Variants in PREX1 observed in about 807,000 individuals in gnomAD.
The protein encoded by PREX1 is phosphatidylinositol-3,4,5-trisphosphate dependent Rac exchange factor 1, also known as phosphatidylinositol 3,4,5-trisphosphate-dependent Rac exchanger 1 protein.
A neutral mutation model predicts 198.3 loss-of-function variants in PREX1; 41 were observed. That is an observed-to-expected ratio of 0.21 (90% CI 0.16 to 0.27). The LOEUF (loss-of-function observed/expected upper bound fraction) is 0.27, where lower values mean the gene tolerates loss of function less well. Among genes scored for constraint, PREX1 ranks in the 10% least tolerant of loss-of-function variants. PREX1 has a pLI of 1.00. For missense variants in PREX1, 1,620 were observed against 2,200.7 expected (o/e 0.74, Z 5.28); for synonymous variants, 843 against 887.2 (o/e 0.95, Z 0.89).
At chr20:48,704,821 G>T (rs1040394835) in intron 6 of PREX1, among the ~76,000 whole-genome samples, 1 of 152,190 alleles carries the variant, frequency 6.6e-6, no homozygotes, top group African/African-American at 2.4e-5. Context: ...CTCCCACAGT[G>T]CTAGGATTAC....
chr20:48,655,351 C>T lies in PREX1; in HGVS notation c.2148G>A (p.Pro716=), dbSNP rs762298700. The change falls in exon 19 of 40, where the codon CCG becomes CCA. Residue 716 remains proline, a synonymous_variant. Coordinates refer to ENST00000371941, the MANE Select transcript of PREX1 (RefSeq NM_020820.4). ...AKEIIKIPDQ[P]DTLCFQIRGA... is the part of the protein sequence containing the mutation. ...CACGAATCTGGAAGCACAGTGTGTC[C>T]GGCTGGTCGGGGATTTTGATGATCC... The T allele has an allele frequency of 6.3e-6, 10 of 1,593,000 alleles. No homozygotes were observed. Among genetic ancestry groups the T allele is most frequent in the Middle Eastern group, 1.7e-4 (1 of 6,046 alleles).
rs754576316 is a variant in PREX1, at chr20:48,627,952, C to G, written c.4778G>C (p.Ser1593Thr). The change falls in exon 38 of 40, where the codon AGC becomes ACC. Residue 1593 changes from serine (S) to threonine (T), a missense_variant. Physicochemically the swap from Ser to Thr is moderately conservative, Grantham distance 58. Coordinates refer to ENST00000371941, the MANE Select transcript of PREX1 (RefSeq NM_020820.4). ...CGTGMQRSTL[S>T]VSLEQAAILA... ...GATGGCCGCCTGCTCCAGGGACACG[C>G]TCAGGGTGCTCCTGCAGCAGGGGAG... The G allele has an allele frequency of 1.2e-6, 2 of 1,610,308 alleles. No individual in the cohort carries two copies. Among genetic ancestry groups the G allele is most frequent in the Non-Finnish European group, 8.5e-7 (1 of 1,179,320 alleles).
intron 26 of PREX1, 89 bp from the exon 27 acceptor site, chr20:48,644,586 C>A: frequency 8.4e-7 from 1 of 1,195,290 alleles, no homozygotes; most frequent in Non-Finnish European, 1.2e-6. Context: ...ACAGTGTAGA[C>A]AAAACCCCTG....
At chr20:48,683,959 C>T (rs2089769470) in intron 10 of PREX1, among the ~76,000 whole-genome samples, 2 of 152,024 alleles carry the variant, frequency 1.3e-5, no homozygotes, top group Admixed American at 1.3e-4. Flanking sequence ...GGGAGGGGCG[C>T]TGGCATGCAA....
intron 32 of PREX1, among the ~76,000 whole-genome samples, chr20:48,635,416 C>G (rs2089354658): frequency 6.6e-6 from 1 of 152,228 alleles, no homozygotes; most frequent in African/African-American, 2.4e-5. Context: ...AATTATATCA[C>G]TCACCCAGCT....
At chr20:48,627,731 C>G in intron 38 of PREX1, 116 bp from the exon 39 acceptor site, 1 of 1,405,174 alleles carries the variant, frequency 7.1e-7, no homozygotes, top group Non-Finnish European at 9.9e-7. Context: ...AAGATCCTTG[C>G]TCCCCTCCAG....
At chr20:48,700,526 T>C (rs1177807392) in intron 7 of PREX1, among the ~76,000 whole-genome samples, 5 of 152,212 alleles carry the variant, frequency 3.3e-5, no homozygotes, top group Admixed American at 3.3e-4. Context: ...AACTAAAATA[T>C]ATTATTTAAA....
chr20:48,881,079 A>C, the PREX1 span, among the ~76,000 whole-genome samples: 1 of 151,318 alleles, frequency 6.6e-6, no homozygotes. Context: ...GACATGGGAC[A>C]TGTGGACGAT....
the PREX1 span, among the ~76,000 whole-genome samples, chr20:48,876,487 T>G: frequency 1.3e-5 from 2 of 152,198 alleles, no homozygotes; most frequent in Non-Finnish European, 2.9e-5. Context: ...ATCTTCCTGA[T>G]TAATTGCCAG....
chr20:48,711,906 G>A (rs1359245599), intron 5 of PREX1, among the ~76,000 whole-genome samples: 1 of 152,212 alleles, frequency 6.6e-6, no homozygotes, highest in East Asian at 1.9e-4. Context: ...ATGTGGGCAT[G>A]GTGCGAGCAC....
At chr20:48,832,822 A>G (rs2090540026), upstream of PREX1, among the ~76,000 whole-genome samples, 1 of 152,246 alleles carries the variant, frequency 6.6e-6, no homozygotes, top group Non-Finnish European at 1.5e-5. Flanking sequence ...GTATCCAATT[A>G]AGTCAGGGCT....
chr20:48,876,067 A>G, the PREX1 span, among the ~76,000 whole-genome samples: 18,072 of 152,052 alleles, frequency 0.12, 1,291 homozygotes, highest in Non-Finnish European at 0.16. Flanking sequence ...GTGCTCTCTC[A>G]CCCCAAGGGA....
chr20:48,754,846 T>C (rs957746735), intron 1 of PREX1, among the ~76,000 whole-genome samples: 11 of 151,838 alleles, frequency 7.2e-5, no homozygotes, highest in Non-Finnish European at 1.6e-4. Flanking sequence ...TGAGCGATGA[T>C]AATAAAATCG....
At chr20:48,639,115 T>C (rs2089388668) in intron 30 of PREX1, among the ~76,000 whole-genome samples, 1 of 152,204 alleles carries the variant, frequency 6.6e-6, no homozygotes, top group African/African-American at 2.4e-5. Flanking sequence ...AGGCAGGTGA[T>C]GTAAGATGCG....
chr20:48,795,139 A>T (rs1373633692), intron 1 of PREX1, among the ~76,000 whole-genome samples: 1 of 152,124 alleles, frequency 6.6e-6, no homozygotes, highest in Non-Finnish European at 1.5e-5. Context: ...TAGATCCATA[A>T]GGACAGGGGC....
At chr20:48,664,471 G>T (rs895184012) in intron 15 of PREX1, among the ~76,000 whole-genome samples, 1 of 152,176 alleles carries the variant, frequency 6.6e-6, no homozygotes, top group South Asian at 2.1e-4. Flanking sequence ...TCACTGGGGA[G>T]GGGTCAACTG....
chr20:48,728,929 T>C (rs2090021353), intron 4 of PREX1, among the ~76,000 whole-genome samples: 1 of 152,182 alleles, frequency 6.6e-6, no homozygotes, highest in Admixed American at 6.5e-5. Context: ...GAGAAGTCCT[T>C]AAATGCTCAA....
At chr20:48,785,982 G>C (rs1181194127) in intron 1 of PREX1, among the ~76,000 whole-genome samples, 1 of 152,194 alleles carries the variant, frequency 6.6e-6, no homozygotes, top group African/African-American at 2.4e-5. Context: ...TTCCAGCAGG[G>C]GGTTCAGAAA....
chr20:48,720,999 C>T (rs887665655), intron 5 of PREX1, among the ~76,000 whole-genome samples: 4 of 152,154 alleles, frequency 2.6e-5, no homozygotes, highest in Non-Finnish European at 4.4e-5. Flanking sequence ...GCAGCTGTTC[C>T]GAATGGACAG....
Sources: allele counts gnomAD v4.1 joint callset (sites outside exome capture counted in the v4.1 genomes callset), GRCh38; gene constraint gnomAD v4.1.1; transcripts MANE v1.5; gene names NCBI Gene and HGNC (gene_info 2026-07-23, HGNC 2026-07-21).